Variants in ZNF513 observed in about 807,000 individuals in gnomAD.
ZNF513 encodes zinc finger protein 513.
A neutral mutation model predicts 39.7 loss-of-function variants in ZNF513; 16 were observed. That is an observed-to-expected ratio of 0.40 (90% CI 0.27 to 0.61). ZNF513 has a LOEUF of 0.61. Among genes scored for constraint, ZNF513 ranks in the 20% least tolerant of loss-of-function variants. The pLI is 0.39. For missense variants in ZNF513, 699 were observed against 743.6 expected (o/e 0.94, Z 0.70); for synonymous variants, 348 against 296.5 (o/e 1.17, Z -1.79).
Position 27,378,232 on chromosome 2 carries a change from A to G in ZNF513, c.939T>C (p.Pro313=). The change falls in exon 4 of 4, where the codon CCT becomes CCC. Residue 313 remains proline (P), a synonymous_variant. Coordinates refer to ENST00000323703, the MANE Select transcript of ZNF513 (RefSeq NM_144631.6). The surrounding 1 kb of genome is among the most constrained non-coding windows in gnomAD (Gnocchi z 8.0). The part of the protein sequence containing the change: ...GSEPLPELLF[P]WTCRGCGQEL... ...CTTGTCCACAGCCCCGGCAGGTCCA[A>G]GGGAATAGCAGCTCTGGCAGTGGTT... 6.2e-7 allele frequency: 1 copy of G among 1,604,016 alleles called. No individual in the cohort carries two copies. The highest frequency in any genetic ancestry group is 8.5e-7 in the Non-Finnish European group (1 of 1,179,934).
intron 1 of ZNF513, 72 bp downstream of exon 1, chr2:27,380,400 T>G: frequency 1.9e-6 from 3 of 1,574,324 alleles, no homozygotes; most frequent in Non-Finnish European, 2.6e-6. Flanking sequence ...GGAGTCCCCC[T>G]CCACCCTGAC....
rs775007132 is a variant in ZNF513, at chr2:27,377,478, G to C, written c.*67C>G. The C allele has an allele frequency of 1.3e-6, 2 of 1,554,312 alleles. No individual in the cohort carries two copies. Among genetic ancestry groups the C allele is most frequent in the East Asian group, 2.2e-5 (1 of 44,506 alleles). ...CTACGTTAGTCTGTGTGGAGCCCCT[G>C]GCCAGCGGGGGAGAAAAAGGTGGCT... is the stretch of plus-strand genomic sequence containing the variant. On this transcript the variant is annotated 3_prime_UTR_variant, in exon 4 of 4. Transcript: ENST00000323703. This position sits in a 1 kb window ranked among gnomAD's most constrained non-coding sequence, Gnocchi z 4.4.
chr2:27,377,329 T>C lies in ZNF513; in HGVS notation c.*216A>G. 2.9e-6 allele frequency: 2 copies of C among 694,394 alleles called. No homozygotes were observed. The highest frequency in any genetic ancestry group is 5.4e-5 in the East Asian group (2 of 37,028). The allele number at this position is 694,394 out of a possible 1,614,324, so 43.0% of individuals were successfully genotyped here. On this transcript the variant is annotated 3_prime_UTR_variant, in exon 4 of 4. Transcript: ENST00000323703. The surrounding 1 kb of genome is among the most constrained non-coding windows in gnomAD (Gnocchi z 4.4). ...CCCCAGCCGGTTTGTCCACAGCCCCTGGGGGCAGTGGAGGTGAATACAGGG... is the reference window on the plus strand; with the variant it reads ...CCCCAGCCGGTTTGTCCACAGCCCCCGGGGGCAGTGGAGGTGAATACAGGG...
rs1426707059 is a variant in ZNF513 at position 27,377,608 on chromosome 2, G to A, written c.1563C>T (p.Ser521=). The A allele has an allele frequency of 6.2e-7, 1 of 1,614,118 alleles. No homozygotes were observed. Among genetic ancestry groups the A allele is most frequent in the South Asian group, 1.1e-5 (1 of 91,090 alleles). Residue 521 remains serine, a synonymous_variant, in exon 4 of 4, where the codon AGC becomes AGT. Transcript: ENST00000323703. The surrounding 1 kb of genome is among the most constrained non-coding windows in gnomAD (Gnocchi z 4.4). ...APPHSPPSVL[S]SRGPPALGTA... is the part of the protein sequence containing the mutation. The stretch of plus-strand genomic sequence containing the variant: ...TCCCCAGGGCTGGTGGGCCCCGAGA[G>A]CTCAAAACAGAGGGTGGGCTATGAG...
chr2:27,378,374 G>A lies in ZNF513; in HGVS notation c.800-3C>T. 1 of 1,605,354 alleles carries A rather than the reference G, an allele frequency of 6.2e-7. No individual in the cohort carries two copies. The highest frequency in any genetic ancestry group is 8.5e-7 in the Non-Finnish European group (1 of 1,179,956). On this transcript the variant is annotated splice_polypyrimidine_tract_variant and splice_region_variant and intron_variant, in intron 3 of 3. Transcript: ENST00000323703. This position sits in a 1 kb window ranked among gnomAD's most constrained non-coding sequence, Gnocchi z 8.0. ...CAAATCTGGAAGGAGCAGAGCATCT[G>A]TGGGGACAAAGACCTGGGCTATGAA...
At chr2:27,379,930 G>A (rs565369851) in intron 2 of ZNF513, among the ~76,000 whole-genome samples, 163 bp downstream of exon 2, 2 of 152,284 alleles carry the variant, frequency 1.3e-5, no homozygotes, top group African/African-American at 4.8e-5. Context: ...ACAAAGTGAT[G>A]GAAGTGATTG....
chr2:27,377,782 C>CA lies in ZNF513; in HGVS notation c.1388dup (p.Met463IlefsTer46). On this transcript the variant is annotated frameshift_variant, in exon 4 of 4. Transcript: ENST00000323703. LOFTEE classifies it high-confidence loss of function. This position sits in a 1 kb window ranked among gnomAD's most constrained non-coding sequence, Gnocchi z 4.4. The stretch of plus-strand genomic sequence containing the variant: ...AGGGCTTCTCGCCTGTGTGCCGCAG[C>CA]ATGTGACGTTTGAGGTTCATGCTCT... The CA allele has an allele frequency of 6.2e-7, 1 of 1,614,182 alleles. No homozygotes were observed. The highest frequency in any genetic ancestry group is 8.5e-7 in the Non-Finnish European group (1 of 1,180,022).
chr2:27,379,704 CTTACGCTGCAGGTGAAAGGGAG>C (rs1276175048), intron 2 of ZNF513, among the ~76,000 whole-genome samples: 2 of 152,178 alleles, frequency 1.3e-5, no homozygotes, highest in African/African-American at 4.8e-5. Context: ...ACAAAAGGAG[CTTACGCTGCAGGTGAAAGGGAG>C]TTAGATTAGA....
chr2:27,380,045 T>TG, intron 2 of ZNF513, 48 bp downstream of exon 2: 1 of 1,613,340 alleles, frequency 6.2e-7, no homozygotes, highest in Non-Finnish European at 8.5e-7. Flanking sequence ...CCTGAAGGGC[T>TG]GGGGTCTCCA....
Position 27,377,682 on chromosome 2 carries a change from C to G in ZNF513, c.1489G>C (p.Gly497Arg), listed in dbSNP as rs201710240. Residue 497 changes from glycine to arginine, a missense_variant, in exon 4 of 4, where the codon GGT becomes CGT. Gly to Arg is a moderately radical substitution (Grantham distance 125, BLOSUM62 -2). This residue lies in a region of ZNF513 where 71 missense variants were observed against 64.1 expected (regional missense o/e 1.11). Coordinates refer to ENST00000323703, the MANE Select transcript of ZNF513 (RefSeq NM_144631.6). This position sits in a 1 kb window ranked among gnomAD's most constrained non-coding sequence, Gnocchi z 4.4. The stretch of plus-strand genomic sequence containing the variant: ...GAGAGACCAGGCCCTCCTGCCCCAC[C>G]GTGGCCATGCACCTTCTGGTGGCGC... ...YKRHQKVHGH[G>R]GAGGPGLSAS... 6.2e-7 allele frequency: 1 copy of G among 1,614,178 alleles called. No individual in the cohort carries two copies. Among genetic ancestry groups the G allele is most frequent in the African/African-American group, 1.3e-5 (1 of 75,060 alleles).
In ZNF513 at chr2:27,380,109, G is replaced by C. The variant is rs771758851; in HGVS notation, c.195C>G (p.Phe65Leu). 6.2e-7 allele frequency: 1 copy of C among 1,614,022 alleles called. No individual in the cohort carries two copies. The highest frequency in any genetic ancestry group is 1.1e-5 in the South Asian group (1 of 91,068). Reference sequence around the variant, plus strand: ...AAAACCCACCTTCCGAGTCTCTCTCGAAGCCCATGAGCTGGTCACTGTTGC... The same window carrying C: ...AAAACCCACCTTCCGAGTCTCTCTCCAAGCCCATGAGCTGGTCACTGTTGC... ...GDGNSDQLMG[F>L]ERDSEGDSLG... Residue 65 changes from phenylalanine to leucine, a missense_variant, in exon 2 of 4, where the codon TTC (phenylalanine) becomes TTG (leucine). By Grantham distance (22) the Phe-to-Leu change is conservative (BLOSUM62 0). Transcript: ENST00000323703.
chr2:27,377,381 C>G lies in ZNF513; in HGVS notation c.*164G>C, dbSNP rs1004503387. 1.3e-6 allele frequency: 1 copy of G among 778,706 alleles called. No individual in the cohort carries two copies. The highest frequency in any genetic ancestry group is 2.2e-6 in the Non-Finnish European group (1 of 454,948). 48.2% of individuals were successfully genotyped at this position (778,706 alleles called of 1,614,324 possible). A position where few individuals can be genotyped will look rare whatever the true frequency, so the allele number is the denominator to read the frequency against. ...CCTTCTCACTGAGCTCGTGAAGTGC[C>G]TCAGTCAAGGCAAGGTCCCCTGGTC... On this transcript the variant is annotated 3_prime_UTR_variant, in exon 4 of 4. Transcript: ENST00000323703. This position sits in a 1 kb window ranked among gnomAD's most constrained non-coding sequence, Gnocchi z 4.4.
At position 27,377,476 on chromosome 2, in the gene ZNF513, C is replaced by T; in HGVS notation, c.*69G>A. The stretch of plus-strand genomic sequence containing the variant: ...GCCTACGTTAGTCTGTGTGGAGCCC[C>T]TGGCCAGCGGGGGAGAAAAAGGTGG... On this transcript the variant is annotated 3_prime_UTR_variant, in exon 4 of 4. Coordinates refer to ENST00000323703, the MANE Select transcript of ZNF513 (RefSeq NM_144631.6). The surrounding 1 kb of genome is among the most constrained non-coding windows in gnomAD (Gnocchi z 4.4). 1.3e-6 allele frequency: 2 copies of T among 1,556,684 alleles called. No homozygotes were observed. Among genetic ancestry groups the T allele is most frequent in the South Asian group, 1.1e-5 (1 of 89,736 alleles).
At position 27,377,546 on chromosome 2, in the gene ZNF513, C is replaced by A. The variant is rs1024145965; in HGVS notation, c.1625G>T (p.Ter542LeuextTer29). ...AAACATGGGGAAGAAGGACCTAGTT[C>A]AGGATGAGTCTGTGTGGACAGCCCG... is the stretch of plus-strand genomic sequence containing the variant. ...GSRAVHTDSS[*>L] The change falls in exon 4 of 4, where the codon TGA becomes TTA. Residue 542 changes from the stop codon to leucine, a stop_lost. Transcript: ENST00000323703. This position sits in a 1 kb window ranked among gnomAD's most constrained non-coding sequence, Gnocchi z 4.4. 7.4e-6 allele frequency: 12 copies of A among 1,613,878 alleles called. No homozygotes were observed. Among genetic ancestry groups the A allele is most frequent in the Non-Finnish European group, 1.0e-5 (12 of 1,180,030 alleles).
Position 27,380,102 on chromosome 2 carries a change from C to T in ZNF513, c.202G>A (p.Asp68Asn). The T allele has an allele frequency of 6.2e-7, 1 of 1,614,110 alleles. No homozygotes were observed. The highest frequency in any genetic ancestry group is 8.5e-7 in the Non-Finnish European group (1 of 1,180,006). The change falls in exon 2 of 4, where the codon GAC becomes AAC. Residue 68 changes from aspartate to asparagine, a missense_variant. Coordinates refer to ENST00000323703, the MANE Select transcript of ZNF513 (RefSeq NM_144631.6). ...NSDQLMGFER[D>N]SEGDSLGARP... ...AGACCCGAAAACCCACCTTCCGAGT[C>T]TCTCTCGAAGCCCATGAGCTGGTCA... is the stretch of plus-strand genomic sequence containing the variant.
At chr2:27,379,244 CT>C (rs1289740694) in intron 2 of ZNF513, among the ~76,000 whole-genome samples, 190 bp from the exon 3 acceptor site, 1 of 152,206 alleles carries the variant, frequency 6.6e-6, no homozygotes, top group East Asian at 1.9e-4. Flanking sequence ...TTGTCTACCT[CT>C]TACACTGGAC....
At position 27,378,766 on chromosome 2, in the gene ZNF513, C is replaced by T; in HGVS notation, c.500G>A (p.Arg167Gln). The change falls in exon 3 of 4, where the codon CGG becomes CAG. Residue 167 changes from arginine to glutamine, a missense_variant. Arg to Gln is a conservative substitution (Grantham distance 43). Coordinates refer to ENST00000323703, the MANE Select transcript of ZNF513 (RefSeq NM_144631.6). This position sits in a 1 kb window ranked among gnomAD's most constrained non-coding sequence, Gnocchi z 8.0. ...FVSHYSSHLK[R>Q]HMQTHSGEKP... ...CTCTCCGCTGTGTGTCTGCATGTGCCGCTTCAGGTGGCTCGAGTAGTGGGA... is the reference window on the plus strand; with the variant it reads ...CTCTCCGCTGTGTGTCTGCATGTGCTGCTTCAGGTGGCTCGAGTAGTGGGA... The T allele has an allele frequency of 3.1e-6, 5 of 1,614,028 alleles. No homozygotes were observed. Among genetic ancestry groups the T allele is most frequent in the Non-Finnish European group, 3.4e-6 (4 of 1,179,956 alleles).
intron 1 of ZNF513, 38 bp downstream of exon 1, chr2:27,380,433 AC>A: frequency 6.6e-7 from 1 of 1,526,054 alleles, no homozygotes; most frequent in Non-Finnish European, 8.8e-7. Flanking sequence ...CACTGACCCC[AC>A]CCCCGCTCCT....
In ZNF513 at chr2:27,380,565, C is replaced by T; in HGVS notation, c.-39G>A. On this transcript the variant is annotated 5_prime_UTR_variant, in exon 1 of 4. Coordinates refer to ENST00000323703, the MANE Select transcript of ZNF513 (RefSeq NM_144631.6). The stretch of plus-strand genomic sequence containing the variant: ...AGCCCGACGCGCCTCCGGCCTGCGG[C>T]CGCCCGACCCCGCCCCTCCTATCTC... 6.5e-7 allele frequency: 1 copy of T among 1,533,748 alleles called. No homozygotes were observed. The highest frequency in any genetic ancestry group is 8.8e-7 in the Non-Finnish European group (1 of 1,133,396).
Sources: gnomAD v4.1 joint callset for allele counts (sites outside exome capture counted in the v4.1 genomes callset) on GRCh38, gnomAD v4.1.1 for gene constraint, gnomAD v4.1.1 regional missense constraint, Gnocchi (gnomAD v3.1) non-coding constraint, MANE v1.5 for transcripts, NCBI Gene and HGNC (gene_info 2026-07-23, HGNC 2026-07-21) for gene names.